TBC1D5: variants seen among roughly 807,000 people sequenced by gnomAD.
TBC1D5 encodes TBC1 domain family, member 5.
Under a neutral mutation model 100.3 loss-of-function variants are expected in TBC1D5, and 75 were observed. The ratio of observed to expected loss-of-function variants is 0.75; its 90% CI spans 0.62 to 0.91. The LOEUF is 0.91. Ranked by LOEUF, TBC1D5 falls within the 40% of genes least tolerant of loss-of-function variation. TBC1D5 has a pLI of 0.00. For missense variants in TBC1D5, 910 were observed against 942.4 expected, an observed-to-expected ratio of 0.97 and a Z score of 0.45; for synonymous variants, 323 against 325.6, an observed-to-expected ratio of 0.99 and a Z score of 0.09.
chr3:17,696,769 C>G (rs115512854), intron 1 of TBC1D5, among the ~76,000 whole-genome samples: 1 of 152,182 alleles, frequency 6.6e-6, no homozygotes, highest in Non-Finnish European at 1.5e-5. Flanking sequence ...CCAACATCTT[C>G]CCGATACCAA....
At chr3:17,241,865 A>T (rs974640712) in intron 16 of TBC1D5, among the ~76,000 whole-genome samples, 8 of 152,220 alleles carry the variant, frequency 5.3e-5, no homozygotes, top group African/African-American at 1.2e-4. Context: ...ATAAATGTTT[A>T]AAAAAAACCC....
intron 16 of TBC1D5, among the ~76,000 whole-genome samples, chr3:17,256,069 A>G (rs2149384850): frequency 6.6e-6 from 1 of 152,282 alleles, no homozygotes; most frequent in African/African-American, 2.4e-5. Context: ...ATTTGAAATA[A>G]GATTAAAAAG....
chr3:17,351,944 C>CA (rs1244678180), intron 13 of TBC1D5, among the ~76,000 whole-genome samples: 8 of 148,760 alleles, frequency 5.4e-5, no homozygotes, highest in Non-Finnish European at 1.0e-4. Context: ...TTTTTCCCCC[C>CA]AAAAAAACCC....
chr3:17,296,426 G>A (rs1473887153), intron 14 of TBC1D5, among the ~76,000 whole-genome samples: 1 of 152,158 alleles, frequency 6.6e-6, no homozygotes, highest in African/African-American at 2.4e-5. Flanking sequence ...ATTACTGCCT[G>A]CAGCATCTTC....
intron 3 of TBC1D5, among the ~76,000 whole-genome samples, chr3:17,484,082 T>C (rs1442805215): frequency 2.6e-5 from 4 of 152,134 alleles, no homozygotes; most frequent in Admixed American, 6.5e-5. Flanking sequence ...ATATTAAGTA[T>C]CAAAAGAACC....
At chr3:17,613,679 GT>G in intron 2 of TBC1D5, among the ~76,000 whole-genome samples, 1 of 152,180 alleles carries the variant, frequency 6.6e-6, no homozygotes, top group Non-Finnish European at 1.5e-5. Context: ...CTGCATAAAT[GT>G]CTTCTTTTGA....
intron 2 of TBC1D5, among the ~76,000 whole-genome samples, chr3:17,597,744 TCA>T (rs2060663107): frequency 6.6e-6 from 1 of 152,200 alleles, no homozygotes; most frequent in Admixed American, 6.5e-5. Flanking sequence ...TCCCAAATAC[TCA>T]CAGTCATTTT....
At chr3:17,252,709 A>G (rs1262204256) in intron 16 of TBC1D5, among the ~76,000 whole-genome samples, 4 of 152,200 alleles carry the variant, frequency 2.6e-5, no homozygotes, top group African/African-American at 9.6e-5. Context: ...GGCTGGCCTA[A>G]GCAGAATGTC....
At chr3:17,597,115 T>C (rs1286434278) in intron 2 of TBC1D5, among the ~76,000 whole-genome samples, 2 of 152,256 alleles carry the variant, frequency 1.3e-5, no homozygotes, top group Non-Finnish European at 2.9e-5. Flanking sequence ...GCTGTAGTTT[T>C]TAAATTATTG....
chr3:17,668,358 A>AT (rs923072755), intron 1 of TBC1D5, among the ~76,000 whole-genome samples: 14 of 151,870 alleles, frequency 9.2e-5, no homozygotes, highest in Middle Eastern at 3.4e-3. Context: ...TTCTAGTTTG[A>AT]TTTTTTTACT....
intron 8 of TBC1D5, among the ~76,000 whole-genome samples, chr3:17,388,376 TA>T (rs2093236343): frequency 6.6e-6 from 1 of 152,206 alleles, no homozygotes; most frequent in African/African-American, 2.4e-5. Flanking sequence ...AAACATTTAA[TA>T]AAGACAAGAC....
At chr3:17,480,304 G>A (rs567000632) in intron 3 of TBC1D5, among the ~76,000 whole-genome samples, 65 of 152,322 alleles carry the variant, frequency 4.3e-4, no homozygotes, top group African/African-American at 1.5e-3. Flanking sequence ...AAGCAGACAG[G>A]CTCTCGGGCA....
At chr3:17,703,476 A>C (rs895909325) in intron 1 of TBC1D5, among the ~76,000 whole-genome samples, 4 of 152,166 alleles carry the variant, frequency 2.6e-5, no homozygotes, top group Non-Finnish European at 5.9e-5. Flanking sequence ...AGTAAAAGCA[A>C]ACTGCAAATT....
intron 1 of TBC1D5, among the ~76,000 whole-genome samples, chr3:17,724,132 C>A (rs1000598754): frequency 1.3e-5 from 2 of 149,794 alleles, no homozygotes; most frequent in African/African-American, 2.5e-5. Flanking sequence ...CAGGCTGGAC[C>A]GCAGTAGCAC....
intron 3 of TBC1D5, among the ~76,000 whole-genome samples, chr3:17,457,032 T>TG (rs751557371): frequency 3.9e-5 from 6 of 152,084 alleles, no homozygotes; most frequent in Admixed American, 3.3e-4. Flanking sequence ...AAAAATATTT[T>TG]GGGGGGTAGA....
chr3:17,634,017 T>C (rs537284757), intron 1 of TBC1D5, among the ~76,000 whole-genome samples: 1 of 152,298 alleles, frequency 6.6e-6, no homozygotes, highest in East Asian at 1.9e-4. Flanking sequence ...TACAATATGA[T>C]ATCATCTCAC....
Position 17,197,620 on chromosome 3 carries a change from C to A in TBC1D5, c.1753-12412G>T, listed in dbSNP as rs141167982. On this transcript the variant is annotated intron_variant, in intron 18 of 21. Coordinates refer to ENST00000253692, the Ensembl canonical transcript of TBC1D5. ...CTCCTGGCCTCAAGCAATCCTCCCA[C>A]CTCAGCCTCTCAAAGCACTGGGATT... Among the ~76,000 whole-genome samples the A allele has an allele frequency of 2.0e-5, 3 of 152,290 alleles. No homozygotes were observed. In the East Asian group the frequency reaches 5.8e-4, roughly 29 times the overall value.
chr3:17,353,048 T>C (rs1169582600), intron 13 of TBC1D5, among the ~76,000 whole-genome samples: 2 of 152,130 alleles, frequency 1.3e-5, no homozygotes, highest in Non-Finnish European at 2.9e-5. Flanking sequence ...ATTCTGTCAC[T>C]GTGTTTTAAT....
rs111634682 is a variant in TBC1D5, at chr3:17,548,476, C to T, written c.-35-39871G>A. 2.9e-3 allele frequency among the ~76,000 whole-genome samples: 442 copies of T among 151,438 alleles called. 1 individual carries two copies. The highest frequency in any genetic ancestry group is 9.7e-3 in the African/African-American group (401 of 41,342). ...GTATTATAAAAGGAAAAATACAGGG[C>T]GGGGGAAAAAAAAACCTTTGTGCAT... On this transcript the variant is annotated intron_variant, in intron 2 of 21. Coordinates refer to ENST00000253692, the Ensembl canonical transcript of TBC1D5.
Sources: gnomAD v4.1 joint callset for allele counts (sites outside exome capture counted in the v4.1 genomes callset) on GRCh38, gnomAD v4.1.1 for gene constraint, MANE v1.5 for transcripts, NCBI Gene and HGNC (gene_info 2026-07-23, HGNC 2026-07-21) for gene names.